Variants in RHOT1 observed in about 807,000 individuals in gnomAD.
The protein encoded by RHOT1 is ras homolog family member T1, also known as mitochondrial Rho GTPase 1.
RHOT1 carries 27 observed loss-of-function variants against 95.3 expected under a neutral mutation model. The observed-to-expected ratio is 0.28, with a 90% CI of 0.21 to 0.39. The LOEUF (loss-of-function observed/expected upper bound fraction) is 0.39. Among genes scored for constraint, RHOT1 ranks in the 10% least tolerant of loss-of-function variants. The pLI, the probability that RHOT1 is intolerant of heterozygous loss-of-function variation, is 1.00. For missense variants in RHOT1, 578 were observed against 786.7 expected (o/e 0.73, Z 3.17); for synonymous variants, 227 against 263.5 (o/e 0.86, Z 1.34).
At position 32,142,575 on chromosome 17, in the gene RHOT1, G is replaced by A; in HGVS notation, c.-118G>A. 1.2e-6 allele frequency: 1 copy of A among 804,512 alleles called. No homozygotes were observed. The highest frequency in any genetic ancestry group is 3.3e-5 in the East Asian group (1 of 30,172). 49.8% of individuals were successfully genotyped at this position (804,512 alleles called of 1,614,324 possible). Reference sequence around the variant, plus strand: ...TTGCGGGGAAGCAACTGAGGGGGCGGCGCGGCGGGCCCCGGCGGCCGAAGA... The same window carrying A: ...TTGCGGGGAAGCAACTGAGGGGGCGACGCGGCGGGCCCCGGCGGCCGAAGA... On this transcript the variant is annotated 5_prime_UTR_variant, in exon 1 of 20. Transcript: ENST00000545287.
intron 19 of RHOT1, among the ~76,000 whole-genome samples, chr17:32,220,805 CAAAA>C (rs35901144): frequency 1.0e-5 from 1 of 99,036 alleles, no homozygotes. Flanking sequence ...GACTCTGTCT[CAAAA>C]AAAAAAAAAA....
intron 19 of RHOT1, 83 bp downstream of exon 19, chr17:32,211,321 C>T (rs759675728): frequency 7.7e-7 from 1 of 1,297,818 alleles, no homozygotes. Flanking sequence ...TATACAGATA[C>T]TCACTACAAA....
In RHOT1 at chr17:32,209,228, TG is replaced by T. The variant is rs1056949673; in HGVS notation, c.1739+920del. 5 of 479,582 alleles carry T rather than the reference TG, an allele frequency of 1.0e-5. No individual in the cohort carries two copies. In the Admixed American group the frequency reaches 1.9e-4, roughly 18 times the overall value. The allele number at this position is 479,582 out of a possible 1,614,324, so 29.7% of individuals were successfully genotyped here. ...TTTATTACCTAATACTTTTTTTAGA[TG>T]CAACAAACCCTTGAATTTCTATTTG... On this transcript the variant is annotated intron_variant, in intron 18 of 19. Coordinates refer to ENST00000545287, the MANE Select transcript of RHOT1 (RefSeq NM_001033566.3).
At chr17:32,193,896 T>C in intron 10 of RHOT1, 91 bp from the exon 11 acceptor site, 1 of 1,463,720 alleles carries the variant, frequency 6.8e-7, no homozygotes, top group Non-Finnish European at 9.3e-7. Flanking sequence ...CTAGCATCCG[T>C]ATGTTCATGA....
chr17:32,142,641 A>G lies in RHOT1; in HGVS notation c.-52A>G, dbSNP rs1309492464. ...CCGTGGGGTGGGTGCTCCTGGTGAG[A>G]GGAGTCCACTCCGTGCGTGCGGGCG... On this transcript the variant is annotated 5_prime_UTR_variant, in exon 1 of 20. Transcript: ENST00000545287. The G allele has an allele frequency of 7.4e-6, 11 of 1,478,744 alleles. No individual in the cohort carries two copies. The highest frequency in any genetic ancestry group is 2.9e-5 in the African/African-American group (2 of 69,676). 91.6% of individuals were successfully genotyped at this position (1,478,744 alleles called of 1,614,324 possible). A position where few individuals can be genotyped will look rare whatever the true frequency, so the allele number is the denominator to read the frequency against.
chr17:32,143,061 T>C (rs2030654295), intron 1 of RHOT1: 1 of 654,852 alleles, frequency 1.5e-6, no homozygotes, highest in Non-Finnish European at 2.9e-6. Flanking sequence ...CTTTTCCTCT[T>C]CGAACCCTGT....
intron 1 of RHOT1, among the ~76,000 whole-genome samples, chr17:32,160,830 G>A (rs1022170503): frequency 2.0e-5 from 3 of 152,218 alleles, no homozygotes; most frequent in African/African-American, 7.2e-5. Flanking sequence ...CCTTTGGCAG[G>A]CGTGGGATCC....
intron 1 of RHOT1, among the ~76,000 whole-genome samples, chr17:32,151,838 C>T (rs1427163476): frequency 1.4e-5 from 2 of 145,168 alleles, no homozygotes; most frequent in Non-Finnish European, 3.0e-5. Flanking sequence ...GCTGAGATTG[C>T]ACCATTGCAC....
intron 19 of RHOT1, among the ~76,000 whole-genome samples, chr17:32,215,145 C>G (rs1469072933): frequency 6.6e-6 from 1 of 152,038 alleles, no homozygotes; most frequent in African/African-American, 2.4e-5. Context: ...CTGCCAGCCT[C>G]AGCCTCCCAA....
intron 19 of RHOT1, among the ~76,000 whole-genome samples, chr17:32,221,532 C>T (rs1214809743): frequency 6.6e-6 from 1 of 152,146 alleles, no homozygotes; most frequent in Admixed American, 6.5e-5. Context: ...CAATGATAAG[C>T]GTGCCCTCCA....
chr17:32,162,380 C>T (rs73989709), intron 1 of RHOT1, among the ~76,000 whole-genome samples: 152 of 152,316 alleles, frequency 1.0e-3, no homozygotes, highest in African/African-American at 3.6e-3. Flanking sequence ...TATGTTATAT[C>T]ATTCCCTCCT....
chr17:32,147,833 A>AT (rs1412998731), intron 1 of RHOT1, among the ~76,000 whole-genome samples: 1 of 151,416 alleles, frequency 6.6e-6, no homozygotes, highest in African/African-American at 2.4e-5. Context: ...AAAAAAAAAA[A>AT]GATTAAACTG....
At chr17:32,193,098 T>C in intron 9 of RHOT1, 38 bp from the exon 10 acceptor site, 1 of 1,272,940 alleles carries the variant, frequency 7.9e-7, no homozygotes, top group Non-Finnish European at 1.1e-6. Flanking sequence ...GTTTTAACGC[T>C]GGTTTGTTTT....
intron 1 of RHOT1, 140 bp downstream of exon 1, chr17:32,142,869 C>T (rs990448870): frequency 1.5e-5 from 12 of 825,134 alleles, no homozygotes; most frequent in African/African-American, 1.4e-4. Context: ...CGCCTTTCTC[C>T]GCGTTCCTAG....
chr17:32,194,106 CT>C lies in RHOT1; in HGVS notation c.869del (p.Leu290ArgfsTer2). The C allele has an allele frequency of 6.2e-7, 1 of 1,610,460 alleles. No individual in the cohort carries two copies. Among genetic ancestry groups the C allele is most frequent in the Non-Finnish European group, 8.5e-7 (1 of 1,178,990 alleles). ...LDLTPEYLFPLLKIPPDCTTE... is the reference protein window; with the variant it reads ...LDLTPEYLFPXLKIPPDCTTE... ...TTTGACACCTGAATATTTGTTCCCC[CT>C]GTATGTACCTTTGTTTTTTTTGTTG... is the stretch of plus-strand genomic sequence containing the variant. On this transcript the variant is annotated frameshift_variant and splice_region_variant, in exon 11 of 20. Transcript: ENST00000545287. LOFTEE classifies it high-confidence loss of function.
intron 3 of RHOT1, among the ~76,000 whole-genome samples, chr17:32,174,115 C>T (rs1482617134): frequency 6.6e-6 from 1 of 152,152 alleles, no homozygotes; most frequent in Non-Finnish European, 1.5e-5. Context: ...GTTCTTCGTC[C>T]CCAGATTACT....
chr17:32,210,978 A>T, intron 18 of RHOT1, 138 bp from the exon 19 acceptor site: 1 of 652,546 alleles, frequency 1.5e-6, no homozygotes, highest in Non-Finnish European at 2.4e-6. Context: ...CAACTTTAGC[A>T]TGCCCCATAC....
intron 1 of RHOT1, among the ~76,000 whole-genome samples, chr17:32,164,009 G>A (rs561206581): frequency 2.0e-5 from 3 of 152,020 alleles, no homozygotes; most frequent in South Asian, 4.1e-4. Flanking sequence ...ACAAAAATTA[G>A]CCAGACGTGG....
intron 1 of RHOT1, among the ~76,000 whole-genome samples, chr17:32,162,749 TCATA>T (rs1301807773): frequency 6.6e-6 from 1 of 152,256 alleles, no homozygotes; most frequent in African/African-American, 2.4e-5. Context: ...CAATGTAGAT[TCATA>T]CATATTAAGT....
Sources: allele counts gnomAD v4.1 joint callset (sites outside exome capture counted in the v4.1 genomes callset), GRCh38; gene constraint gnomAD v4.1.1; transcripts MANE v1.5; gene names NCBI Gene and HGNC (gene_info 2026-07-23, HGNC 2026-07-21).